NKAIN2: variants seen among roughly 807,000 people sequenced by gnomAD.
The protein encoded by NKAIN2 is sodium/potassium-transporting ATPase subunit beta-1-interacting protein 2.
In NKAIN2, 14 loss-of-function variants were observed where a neutral mutation model predicts 32.6. The ratio of observed to expected loss-of-function variants is 0.43; its 90% CI spans 0.28 to 0.67. The LOEUF (loss-of-function observed/expected upper bound fraction) is 0.67, where lower values mean the gene tolerates loss of function less well. Ranked by LOEUF, NKAIN2 falls within the 30% of genes least tolerant of loss-of-function variation. The pLI is 0.17. For missense variants in NKAIN2, 198 were observed against 258.3 expected (o/e 0.77, Z 1.60); for synonymous variants, 80 against 87.2 (o/e 0.92, Z 0.46).
intron 2 of NKAIN2, among the ~76,000 whole-genome samples, chr6:124,335,794 C>T (rs62434702): frequency 0.021 from 3,252 of 152,162 alleles, 67 homozygotes; most frequent in Non-Finnish European, 0.031. Context: ...TCCAATGAGA[C>T]ATCTAATATT....
chr6:124,712,679 T>G (rs940862587), intron 4 of NKAIN2, among the ~76,000 whole-genome samples: 4 of 151,764 alleles, frequency 2.6e-5, no homozygotes, highest in Admixed American at 2.6e-4. Flanking sequence ...CTTCGGCTCG[T>G]GCACGGTGTG....
At chr6:123,829,913 T>C (rs1049531060) in intron 1 of NKAIN2, among the ~76,000 whole-genome samples, 3 of 152,204 alleles carry the variant, frequency 2.0e-5, no homozygotes, top group Non-Finnish European at 4.4e-5. Context: ...CACTTCTGCA[T>C]AAGCTGGGGA....
At chr6:124,588,218 T>A (rs1176168383) in intron 3 of NKAIN2, among the ~76,000 whole-genome samples, 1 of 152,194 alleles carries the variant, frequency 6.6e-6, no homozygotes, top group African/African-American at 2.4e-5. Context: ...CAGTTAAATA[T>A]TACTTCTGAT....
chr6:123,852,283 C>CTTT (rs35780180), intron 1 of NKAIN2, among the ~76,000 whole-genome samples: 139 of 151,262 alleles, frequency 9.2e-4, no homozygotes, highest in African/African-American at 3.3e-3. Context: ...TCACAAACTT[C>CTTT]TTTTTTTTTG....
chr6:124,085,636 G>T (rs1443546232), intron 1 of NKAIN2, among the ~76,000 whole-genome samples: 1 of 151,818 alleles, frequency 6.6e-6, no homozygotes, highest in East Asian at 1.9e-4. Context: ...ATAAATATTT[G>T]TTCATGCAGA....
intron 1 of NKAIN2, among the ~76,000 whole-genome samples, chr6:124,029,046 A>AT (rs933852445): frequency 1.3e-5 from 2 of 150,660 alleles, no homozygotes; most frequent in African/African-American, 4.9e-5. Flanking sequence ...AAGTACTAGA[A>AT]TTTTTTTTAT....
intron 3 of NKAIN2, among the ~76,000 whole-genome samples, chr6:124,641,119 C>A (rs1223982904): frequency 6.6e-6 from 1 of 152,036 alleles, no homozygotes; most frequent in Non-Finnish European, 1.5e-5. Flanking sequence ...TAAAGAGGTA[C>A]CAGGTCTAAC....
intron 3 of NKAIN2, among the ~76,000 whole-genome samples, chr6:124,456,474 G>A (rs531933432): frequency 1.3e-5 from 2 of 151,770 alleles, no homozygotes; most frequent in African/African-American, 2.4e-5. Flanking sequence ...GAAGACCACC[G>A]TTCCTTTGTT....
chr6:124,203,359 A>G (rs970715670), intron 1 of NKAIN2, among the ~76,000 whole-genome samples: 1 of 151,856 alleles, frequency 6.6e-6, no homozygotes, highest in African/African-American at 2.4e-5. Flanking sequence ...TATTAAAACT[A>G]TGGGTATTTT....
chr6:124,139,172 T>C (rs1209431027), intron 1 of NKAIN2, among the ~76,000 whole-genome samples: 1 of 137,120 alleles, frequency 7.3e-6, no homozygotes, highest in African/African-American at 2.8e-5. Context: ...CACTGCAAGC[T>C]CCGCTTCCCG....
chr6:124,476,917 A>G (rs1045674503), intron 3 of NKAIN2, among the ~76,000 whole-genome samples: 1 of 152,188 alleles, frequency 6.6e-6, no homozygotes, highest in African/African-American at 2.4e-5. Flanking sequence ...TATTTCTGAC[A>G]GCATCAAAAT....
At chr6:123,805,790 A>G (rs989901232) in intron 1 of NKAIN2, among the ~76,000 whole-genome samples, 4 of 152,198 alleles carry the variant, frequency 2.6e-5, no homozygotes, top group Admixed American at 6.5e-5. Flanking sequence ...GAAAAAGAAT[A>G]CATTTGCTGA....
Position 124,593,098 on chromosome 6 carries a change from A to C in NKAIN2, c.274-65088A>C, listed in dbSNP as rs142392997. 6.5e-3 allele frequency among the ~76,000 whole-genome samples: 995 copies of C among 152,172 alleles called. 4 individuals carry two copies. The highest frequency in any genetic ancestry group is 0.037 in the Middle Eastern group (11 of 294). On this transcript the variant is annotated intron_variant, in intron 3 of 6. Transcript: ENST00000368417. ...GTAAACAAACACTTGTAAACCTTTA[A>C]TATTTCCCCTGACAATTTTTCTACC... is the stretch of plus-strand genomic sequence containing the variant.
chr6:124,403,285 AG>A (rs1360948732), intron 3 of NKAIN2, among the ~76,000 whole-genome samples: 1 of 149,178 alleles, frequency 6.7e-6, no homozygotes, highest in African/African-American at 2.6e-5. Flanking sequence ...ATTTCTATAT[AG>A]AGATATCAAT....
intron 1 of NKAIN2, among the ~76,000 whole-genome samples, chr6:124,007,281 A>T (rs1298586475): frequency 6.6e-6 from 1 of 152,196 alleles, no homozygotes; most frequent in East Asian, 1.9e-4. Flanking sequence ...TGACCAAAAC[A>T]TCTTTATGTG....
At chr6:124,773,743 T>C (rs1778862298) in intron 4 of NKAIN2, among the ~76,000 whole-genome samples, 1 of 152,156 alleles carries the variant, frequency 6.6e-6, no homozygotes. Context: ...TCCGATTAAA[T>C]TACTATGGAA....
intron 1 of NKAIN2, among the ~76,000 whole-genome samples, chr6:123,903,911 ATT>A (rs112148060): frequency 6.8e-6 from 1 of 146,034 alleles, no homozygotes; most frequent in African/African-American, 2.5e-5. Flanking sequence ...TATTATACGC[ATT>A]TTTTTTTTTT....
chr6:124,019,804 A>G (rs1256958504), intron 1 of NKAIN2, among the ~76,000 whole-genome samples: 2 of 152,114 alleles, frequency 1.3e-5, no homozygotes, highest in Non-Finnish European at 2.9e-5. Context: ...AATTCTTGAC[A>G]TGATCCCCAT....
intron 1 of NKAIN2, among the ~76,000 whole-genome samples, chr6:123,882,964 G>GGTGT (rs68068463): frequency 1.8e-4 from 27 of 150,112 alleles, no homozygotes; most frequent in African/African-American, 6.1e-4. Flanking sequence ...TTTGGTCTGG[G>GGTGT]GTGTGTGTGT....
Sources: gnomAD v4.1 joint callset for allele counts (sites outside exome capture counted in the v4.1 genomes callset) on GRCh38, gnomAD v4.1.1 for gene constraint, MANE v1.5 for transcripts, NCBI Gene and HGNC (gene_info 2026-07-23, HGNC 2026-07-21) for gene names.